RABGAP1: variants seen among roughly 807,000 people sequenced by gnomAD.
The protein encoded by RABGAP1 is RAB GTPase activating protein 1.
In RABGAP1, 23 loss-of-function variants were observed where a neutral mutation model predicts 137.6. The observed-to-expected ratio is 0.17, with a 90% confidence interval of 0.12 to 0.24. The LOEUF (loss-of-function observed/expected upper bound fraction) is 0.24, where lower values mean the gene tolerates loss of function less well. Among genes scored for constraint, RABGAP1 ranks in the 10% least tolerant of loss-of-function variants. The pLI, the probability that RABGAP1 is intolerant of heterozygous loss-of-function variation, is 1.00. For missense variants in RABGAP1, 906 were observed against 1,275.8 expected, an observed-to-expected ratio of 0.71 and a Z score of 4.42; for synonymous variants, 451 against 450.7, an observed-to-expected ratio of 1.00 and a Z score of -0.01.
chr9:123,041,639 A>G (rs2032957667), intron 13 of RABGAP1, among the ~76,000 whole-genome samples: 1 of 152,216 alleles, frequency 6.6e-6, no homozygotes, highest in Non-Finnish European at 1.5e-5. Flanking sequence ...AGAGATGATG[A>G]CAGACAGTGA....
intron 13 of RABGAP1, among the ~76,000 whole-genome samples, chr9:123,027,081 C>T (rs994132188): frequency 2.0e-5 from 3 of 151,400 alleles, no homozygotes; most frequent in African/African-American, 7.3e-5. Context: ...CTCAAATAAC[C>T]AATATTTACA....
At chr9:123,080,631 G>T (rs1415701717) in intron 19 of RABGAP1, among the ~76,000 whole-genome samples, 1 of 152,158 alleles carries the variant, frequency 6.6e-6, no homozygotes, top group Non-Finnish European at 1.5e-5. Flanking sequence ...CCTGAGCCCT[G>T]CATTCTGTGG....
At chr9:122,992,690 A>G (rs941420752) in intron 6 of RABGAP1, among the ~76,000 whole-genome samples, 3 of 148,424 alleles carry the variant, frequency 2.0e-5, no homozygotes, top group South Asian at 2.1e-4. Flanking sequence ...TTAGGTTAAT[A>G]TATATTATTT....
chr9:122,968,943 T>A, intron 2 of RABGAP1, among the ~76,000 whole-genome samples: 1 of 152,196 alleles, frequency 6.6e-6, no homozygotes, highest in East Asian at 1.9e-4. Flanking sequence ...AATTAAACCA[T>A]TTTTACTGTA....
chr9:122,975,788 C>T (rs1835732336), intron 2 of RABGAP1, among the ~76,000 whole-genome samples: 1 of 152,102 alleles, frequency 6.6e-6, no homozygotes, highest in African/African-American at 2.4e-5. Context: ...TACGTAAGTG[C>T]CCAATAATGT....
chr9:123,060,947 T>C (rs1296231841), intron 13 of RABGAP1, among the ~76,000 whole-genome samples: 3 of 152,234 alleles, frequency 2.0e-5, no homozygotes, highest in Non-Finnish European at 2.9e-5. Context: ...AAAGCATGTA[T>C]AAAATTAATA....
intron 6 of RABGAP1, among the ~76,000 whole-genome samples, chr9:122,994,247 A>G (rs1588233791): frequency 1.3e-5 from 2 of 152,312 alleles, no homozygotes; most frequent in East Asian, 3.9e-4. Flanking sequence ...TACACTCTCC[A>G]TTCTGCTTCC....
At chr9:123,081,463 G>A (rs1588391791) in intron 19 of RABGAP1, among the ~76,000 whole-genome samples, 2 of 152,126 alleles carry the variant, frequency 1.3e-5, no homozygotes, top group Non-Finnish European at 2.9e-5. Context: ...TTTGAGAAGG[G>A]TCTTGCTCTG....
At chr9:122,989,662 A>G in intron 5 of RABGAP1, 191 bp downstream of exon 5, 1 of 636,620 alleles carries the variant, frequency 1.6e-6, no homozygotes, top group Non-Finnish European at 2.7e-6. Flanking sequence ...CTTTGTTACT[A>G]CTACTAAGAA....
chr9:123,008,279 G>A (rs990139538), intron 10 of RABGAP1, among the ~76,000 whole-genome samples: 3 of 152,028 alleles, frequency 2.0e-5, no homozygotes, highest in Admixed American at 2.0e-4. Flanking sequence ...GCTATTGCTG[G>A]CCGGGCACGG....
chr9:123,091,172 T>G (rs2035021137), intron 21 of RABGAP1, among the ~76,000 whole-genome samples: 1 of 152,242 alleles, frequency 6.6e-6, no homozygotes, highest in Non-Finnish European at 1.5e-5. Flanking sequence ...GACTGTAGTT[T>G]GCCAACCCTT....
chr9:122,948,437 G>A (rs1834054309), intron 1 of RABGAP1, among the ~76,000 whole-genome samples: 1 of 152,136 alleles, frequency 6.6e-6, no homozygotes, highest in South Asian at 2.1e-4. Flanking sequence ...TACTCAGCCT[G>A]CCCAAGCCTT....
chr9:122,978,019 G>T (rs1304006383), intron 2 of RABGAP1, among the ~76,000 whole-genome samples: 8 of 152,194 alleles, frequency 5.3e-5, no homozygotes, highest in African/African-American at 1.7e-4. Flanking sequence ...TTTTAGGTCA[G>T]ATTTTTTGAG....
At chr9:123,013,532 A>G (rs1309211772) in intron 11 of RABGAP1, among the ~76,000 whole-genome samples, 1 of 152,080 alleles carries the variant, frequency 6.6e-6, no homozygotes, top group Admixed American at 6.5e-5. Context: ...GGGTTTCACC[A>G]GGTTGGCCAA....
chr9:122,995,952 C>CA (rs1837002282), intron 6 of RABGAP1, 89 bp from the exon 7 acceptor site: 2 of 1,473,538 alleles, frequency 1.4e-6, no homozygotes, highest in African/African-American at 1.5e-5. Context: ...AGAAAAGAAT[C>CA]AGAGATTTGA....
intron 17 of RABGAP1, among the ~76,000 whole-genome samples, chr9:123,074,765 T>G (rs1294761097): frequency 1.3e-5 from 2 of 152,252 alleles, no homozygotes; most frequent in African/African-American, 4.8e-5. Flanking sequence ...GTAGCGTGCC[T>G]TCCCCTCACT....
intron 18 of RABGAP1, 99 bp downstream of exon 18, chr9:123,076,385 C>T: frequency 1.5e-6 from 2 of 1,360,600 alleles, no homozygotes; most frequent in South Asian, 2.5e-5. Context: ...TGTGCACTAG[C>T]ATTACCCATG....
At chr9:122,976,167 A>G (rs1835751613) in intron 2 of RABGAP1, among the ~76,000 whole-genome samples, 1 of 152,198 alleles carries the variant, frequency 6.6e-6, no homozygotes, top group African/African-American at 2.4e-5. Flanking sequence ...TTTATGTCAT[A>G]TGTTTACAGT....
chr9:122,996,891 G>A (rs373858742), intron 8 of RABGAP1: 1 of 441,590 alleles, frequency 2.3e-6, no homozygotes, highest in Non-Finnish European at 4.1e-6. Flanking sequence ...ATTAAAGAAT[G>A]ATTTATAGAC....
Sources: allele counts gnomAD v4.1 joint callset (sites outside exome capture counted in the v4.1 genomes callset), GRCh38; gene constraint gnomAD v4.1.1; transcripts MANE v1.5; gene names NCBI Gene and HGNC (gene_info 2026-07-23, HGNC 2026-07-21).